Variants in MAP4K4 observed in about 807,000 individuals in gnomAD.
The protein encoded by MAP4K4 is HPK/GCK-like kinase HGK.
MAP4K4 carries 38 observed loss-of-function variants against 189.6 expected under a neutral mutation model. That is an observed-to-expected ratio of 0.20 (90% confidence interval 0.15 to 0.26). The LOEUF (loss-of-function observed/expected upper bound fraction) is 0.26. Among genes scored for constraint, MAP4K4 ranks in the 10% least tolerant of loss-of-function variants. MAP4K4 has a pLI of 1.00. For synonymous variants in MAP4K4, 610 were observed against 624.3 expected, an observed-to-expected ratio of 0.98 and a Z score of 0.34; for missense variants, 1,054 against 1,726.9, an observed-to-expected ratio of 0.61 and a Z score of 6.91.
At chr2:101,865,008 A>G (rs2097772781) in exon 18 of MAP4K4, 1 of 1,570,722 alleles carries the variant, frequency 6.4e-7, no homozygotes. Context: ...GCAGCAGAAT[A>G]GCCAGGCAGG....
chr2:101,751,507 T>C (rs995763538), intron 2 of MAP4K4, among the ~76,000 whole-genome samples: 2 of 152,210 alleles, frequency 1.3e-5, no homozygotes, highest in African/African-American at 4.8e-5. Context: ...GGTGAAACTT[T>C]AAGGTGCCTT....
chr2:101,770,272 G>A (rs1280955839), intron 2 of MAP4K4, among the ~76,000 whole-genome samples: 1 of 131,222 alleles, frequency 7.6e-6, no homozygotes, highest in Non-Finnish European at 1.6e-5. Context: ...TTTTGAGACG[G>A]AGTTTCGCTC....
At chr2:101,890,518 G>A (rs1025185453) in intron 32 of MAP4K4, among the ~76,000 whole-genome samples, 19 of 152,156 alleles carry the variant, frequency 1.2e-4, no homozygotes, top group Admixed American at 3.9e-4. Flanking sequence ...GTGCAGTGGC[G>A]TGATCTCGGC....
chr2:101,698,078 A>G (rs774220973), exon 1 of MAP4K4: 4 of 1,327,230 alleles, frequency 3.0e-6, no homozygotes, highest in Non-Finnish European at 4.0e-6. Context: ...GCAAAAAGGG[A>G]AAATGGCGAA....
At position 101,797,478 on chromosome 2, in the gene MAP4K4, C is replaced by G. The variant is rs1043114835; in HGVS notation, c.180+6702C>G. 18 of 1,039,546 alleles carry G rather than the reference C, an allele frequency of 1.7e-5. No homozygotes were observed. In the East Asian group the frequency reaches 1.1e-3, roughly 61 times the overall value. The allele number at this position is 1,039,546 out of a possible 1,614,324, so 64.4% of individuals were successfully genotyped here. Reference sequence around the variant, plus strand: ...TTCTTATCTTCTGCTTTTCCCTTAGCTACTGAGAGAAAAACTAATGTGCCA... The same window carrying G: ...TTCTTATCTTCTGCTTTTCCCTTAGGTACTGAGAGAAAAACTAATGTGCCA... On this transcript the variant is annotated intron_variant, in intron 3 of 32. Coordinates refer to ENST00000324219, the Ensembl canonical transcript of MAP4K4.
intron 2 of MAP4K4, among the ~76,000 whole-genome samples, chr2:101,715,503 T>C (rs2047906693): frequency 2.6e-5 from 4 of 152,362 alleles, no homozygotes; most frequent in South Asian, 4.1e-4. Flanking sequence ...ATCCCTTATC[T>C]GAAATGCTTG....
intron 3 of MAP4K4, among the ~76,000 whole-genome samples, chr2:101,798,596 C>G (rs1397969754): frequency 6.6e-6 from 1 of 152,158 alleles, no homozygotes; most frequent in Non-Finnish European, 1.5e-5. Context: ...TTTTATTACA[C>G]CACATCTCCC....
intron 2 of MAP4K4, among the ~76,000 whole-genome samples, chr2:101,785,834 C>CTTT (rs144996906): frequency 5.2e-5 from 2 of 38,138 alleles, no homozygotes; most frequent in South Asian, 7.0e-4. Flanking sequence ...TTCTTTCTTT[C>CTTT]CCTTTTTTGA....
chr2:101,892,028 A>C (rs775045578), exon 33 of MAP4K4: 4 of 151,480 alleles, frequency 2.6e-5, no homozygotes, highest in Non-Finnish European at 5.9e-5. Context: ...AAAAAAAAAA[A>C]GAAAAAGAAA....
At chr2:101,733,342 T>TA (rs1367717971) in intron 2 of MAP4K4, among the ~76,000 whole-genome samples, 1 of 152,208 alleles carries the variant, frequency 6.6e-6, no homozygotes, top group Non-Finnish European at 1.5e-5. Context: ...AAAAGGCTGT[T>TA]ACAGCTGACC....
At chr2:101,720,559 CAT>C (rs113870912) in intron 2 of MAP4K4, among the ~76,000 whole-genome samples, 2,233 of 152,254 alleles carry the variant, frequency 0.015, 59 homozygotes, top group African/African-American at 0.051. Context: ...GATCTGTCAG[CAT>C]ATAGTAGACT....
At chr2:101,887,054 T>G (rs2098499104) in intron 29 of MAP4K4, 34 bp from the exon 30 acceptor site, 3 of 1,312,188 alleles carry the variant, frequency 2.3e-6, no homozygotes, top group Non-Finnish European at 3.1e-6. Context: ...ATGTTCTCCT[T>G]CATCTTCTCA....
intron 3 of MAP4K4, among the ~76,000 whole-genome samples, chr2:101,804,255 T>C (rs974434643): frequency 1.3e-5 from 2 of 152,216 alleles, no homozygotes; most frequent in Non-Finnish European, 2.9e-5. Context: ...TTGCAATTTG[T>C]TTTAATTGCA....
At chr2:101,790,538 G>A (rs565310143) in intron 2 of MAP4K4, among the ~76,000 whole-genome samples, 182 bp from the exon 3 acceptor site, 1 of 152,282 alleles carries the variant, frequency 6.6e-6, no homozygotes, top group African/African-American at 2.4e-5. Context: ...TGCTTATTAA[G>A]TGTGGTTCAT....
chr2:101,829,622 C>T (rs1372322187), intron 6 of MAP4K4, 28 bp downstream of exon 6: 2 of 1,519,432 alleles, frequency 1.3e-6, no homozygotes, highest in East Asian at 2.3e-5. Context: ...GGCGTGATCT[C>T]ATAATTGCAC....
chr2:101,755,413 C>G (rs959810795), intron 2 of MAP4K4, among the ~76,000 whole-genome samples: 1 of 152,072 alleles, frequency 6.6e-6, no homozygotes, highest in Non-Finnish European at 1.5e-5. Flanking sequence ...TTTCCCACCC[C>G]GAGTTCCTGA....
At chr2:101,805,485 C>T (rs2094840738) in intron 3 of MAP4K4, among the ~76,000 whole-genome samples, 1 of 152,196 alleles carries the variant, frequency 6.6e-6, no homozygotes, top group African/African-American at 2.4e-5. Context: ...GTCCCACTAA[C>T]ATCCAAGTGA....
Position 101,893,402 on chromosome 2 carries a change from C to T in MAP4K4, c.*2153C>T, listed in dbSNP as rs1354724935. Reference sequence around the variant, plus strand: ...AGAGAAGGTTGAAAAATTAATCCTACCTTTAAAGGGATTTGAGGTAGGCTG... The same window carrying T: ...AGAGAAGGTTGAAAAATTAATCCTATCTTTAAAGGGATTTGAGGTAGGCTG... On this transcript the variant is annotated 3_prime_UTR_variant, in exon 33 of 33. Coordinates refer to ENST00000324219, the Ensembl canonical transcript of MAP4K4. The T allele has an allele frequency of 1.1e-5, 4 of 362,962 alleles. No individual in the cohort carries two copies. The East Asian group carries it at 2.9e-4, about 26-fold the overall frequency. The allele number at this position is 362,962 out of a possible 1,614,324, so 22.5% of individuals were successfully genotyped here. A position where few individuals can be genotyped will look rare whatever the true frequency, so the allele number is the denominator to read the frequency against.
intron 2 of MAP4K4, among the ~76,000 whole-genome samples, chr2:101,770,349 A>G (rs1207497611): frequency 1.3e-5 from 2 of 148,506 alleles, no homozygotes; most frequent in Admixed American, 6.9e-5. Flanking sequence ...CCCGAGTTCA[A>G]GTGATTCTCC....
Sources: allele counts gnomAD v4.1 joint callset (sites outside exome capture counted in the v4.1 genomes callset), GRCh38; gene constraint gnomAD v4.1.1; transcripts MANE v1.5; gene names NCBI Gene and HGNC (gene_info 2026-07-23, HGNC 2026-07-21).